TRAPPC9: variants seen among roughly 807,000 people sequenced by gnomAD.
The protein encoded by TRAPPC9 is IKK2 binding protein.
Under a neutral mutation model 124.0 loss-of-function variants are expected in TRAPPC9, and 83 were observed. That is an observed-to-expected ratio of 0.67 (90% CI 0.56 to 0.80). The LOEUF (loss-of-function observed/expected upper bound fraction) is 0.80. TRAPPC9 is among the 30% of genes least tolerant of loss of function. The pLI is 0.00. For missense variants in TRAPPC9, 1,302 were observed against 1,508.3 expected (o/e 0.86, Z 2.27); for synonymous variants, 638 against 617.5 (o/e 1.03, Z -0.49).
At chr8:139,804,895 T>A (rs1043799593) in intron 21 of TRAPPC9, among the ~76,000 whole-genome samples, 9 of 151,490 alleles carry the variant, frequency 5.9e-5, no homozygotes, top group Non-Finnish European at 1.2e-4. Flanking sequence ...ATGGGAGGAG[T>A]ATAAAATTCA....
At chr8:140,362,534 AT>A (rs1258749225) in intron 8 of TRAPPC9, among the ~76,000 whole-genome samples, 4 of 152,158 alleles carry the variant, frequency 2.6e-5, no homozygotes, top group African/African-American at 7.2e-5. Flanking sequence ...TTAAAAAAAA[AT>A]AAAAATAAAA....
rs1159882913 is a variant in TRAPPC9 at position 139,833,809 on chromosome 8, A to C, written c.3055+52070T>G. 3.3e-5 allele frequency among the ~76,000 whole-genome samples: 5 copies of C among 152,212 alleles called. No individual in the cohort carries two copies. The East Asian group carries it at 9.6e-4, about 29-fold the overall frequency. ...ACTGATTTCAGCTTCCTTCCGCTTC[A>C]GGAGCAGGAGGGGCCGGGAATGAAC... On this transcript the variant is annotated intron_variant, in intron 21 of 22. Transcript: ENST00000438773.
At chr8:140,184,934 CACA>C (rs1366420460) in intron 17 of TRAPPC9, among the ~76,000 whole-genome samples, 2 of 152,080 alleles carry the variant, frequency 1.3e-5, no homozygotes, top group Non-Finnish European at 2.9e-5. Context: ...TGACTGCTAA[CACA>C]ACATTTTAGA....
At chr8:139,915,452 G>A (rs973025306) in intron 19 of TRAPPC9, among the ~76,000 whole-genome samples, 1 of 152,116 alleles carries the variant, frequency 6.6e-6, no homozygotes, top group Admixed American at 6.6e-5. Context: ...TCACCATGTT[G>A]CCCAGGCTGG....
At position 140,019,116 on chromosome 8, in the gene TRAPPC9, C is replaced by A. The variant is rs565179145; in HGVS notation, c.2699+4821G>T. Among the ~76,000 whole-genome samples, 4 of 152,330 alleles carry A rather than the reference C, an allele frequency of 2.6e-5. No individual in the cohort carries two copies. In the South Asian group the frequency reaches 6.2e-4, roughly 24 times the overall value. On this transcript the variant is annotated intron_variant, in intron 18 of 22. Coordinates refer to ENST00000438773, the MANE Select transcript of TRAPPC9 (RefSeq NM_001160372.4). ...AACATGACAAATTCTAATGACTGAT[C>A]TTTCAATGGTAAAACAACCTCATAC...
chr8:139,883,951 C>T (rs974754218), intron 21 of TRAPPC9, among the ~76,000 whole-genome samples: 9 of 152,190 alleles, frequency 5.9e-5, no homozygotes, highest in Non-Finnish European at 1.0e-4. Context: ...ATGCAAAATG[C>T]CTGGGACAGG....
intron 17 of TRAPPC9, among the ~76,000 whole-genome samples, chr8:140,118,038 A>T (rs1165750764): frequency 1.3e-5 from 2 of 152,390 alleles, no homozygotes; most frequent in South Asian, 4.1e-4. Context: ...TTTAGAGCTT[A>T]CAAAGTCCAT....
chr8:140,048,217 G>A (rs1438732155), intron 17 of TRAPPC9, among the ~76,000 whole-genome samples: 1 of 152,230 alleles, frequency 6.6e-6, no homozygotes, highest in Non-Finnish European at 1.5e-5. Flanking sequence ...AACCACTGTG[G>A]CTTCACAAGG....
intron 2 of TRAPPC9, among the ~76,000 whole-genome samples, chr8:140,445,639 C>T (rs1370245498): frequency 6.6e-6 from 1 of 152,248 alleles, no homozygotes; most frequent in Non-Finnish European, 1.5e-5. Flanking sequence ...CCCTGCCCTG[C>T]ATTTTCCAAG....
intron 15 of TRAPPC9, among the ~76,000 whole-genome samples, chr8:140,267,541 G>A (rs1432127956): frequency 3.3e-5 from 5 of 152,098 alleles, no homozygotes; most frequent in African/African-American, 4.8e-5. Context: ...GACCACCACC[G>A]CCCACCCAAA....
chr8:140,116,245 C>T lies in TRAPPC9; in HGVS notation c.2557-92166G>A, dbSNP rs568867378. Among the ~76,000 whole-genome samples the T allele has an allele frequency of 1.6e-4, 25 of 152,264 alleles. No individual in the cohort carries two copies. In the South Asian group the frequency reaches 5.2e-3, roughly 32 times the overall value. The stretch of plus-strand genomic sequence containing the variant: ...TAAAGTAGGGTGAGATGTGATCGTA[C>T]CAGCATTATAGAAAGATCATGCTGG... On this transcript the variant is annotated intron_variant, in intron 17 of 22. Transcript: ENST00000438773.
rs147766045 is a variant in TRAPPC9 at position 139,840,533 on chromosome 8, G to A, written c.3055+45346C>T. Reference sequence around the variant, plus strand: ...ATGAGGAAACTGCACGACTCAAATTGGAGGTCGGCGAGGGTAGCGTGTTCC... The same window carrying A: ...ATGAGGAAACTGCACGACTCAAATTAGAGGTCGGCGAGGGTAGCGTGTTCC... On this transcript the variant is annotated intron_variant, in intron 21 of 22. Coordinates refer to ENST00000438773, the MANE Select transcript of TRAPPC9 (RefSeq NM_001160372.4). 4.3e-4 allele frequency among the ~76,000 whole-genome samples: 66 copies of A among 152,338 alleles called. 2 individuals are homozygous for A. In the Middle Eastern group the frequency reaches 0.031, roughly 71 times the overall value.
chr8:139,842,456 T>C (rs907853618), intron 21 of TRAPPC9, among the ~76,000 whole-genome samples: 4 of 152,230 alleles, frequency 2.6e-5, no homozygotes, highest in South Asian at 2.1e-4. Context: ...TTCTAACTCT[T>C]GTCAAAGCAG....
chr8:140,429,973 C>T (rs933248648), intron 4 of TRAPPC9, among the ~76,000 whole-genome samples: 4 of 151,806 alleles, frequency 2.6e-5, no homozygotes, highest in Admixed American at 1.3e-4. Context: ...ATAGCGAAAC[C>T]GTGTCTCCAC....
intron 14 of TRAPPC9, among the ~76,000 whole-genome samples, chr8:140,280,048 G>T (rs1327936812): frequency 1.3e-5 from 2 of 152,200 alleles, no homozygotes; most frequent in African/African-American, 4.8e-5. Context: ...TCCAGCTTTC[G>T]TTGGGCGGCT....
intron 21 of TRAPPC9, among the ~76,000 whole-genome samples, chr8:139,785,720 C>T (rs965836710): frequency 3.3e-5 from 5 of 149,630 alleles, no homozygotes; most frequent in Admixed American, 2.7e-4. Flanking sequence ...CAGAGCAAGA[C>T]TCCATCTAAA....
At chr8:139,933,467 G>A (rs944789782) in intron 19 of TRAPPC9, 3 of 152,264 alleles carry the variant, frequency 2.0e-5, no homozygotes, top group Non-Finnish European at 2.9e-5. Flanking sequence ...ACCTTCAGAT[G>A]TGGGGGCAGA....
chr8:139,890,853 T>TA (rs1830294970), intron 20 of TRAPPC9, among the ~76,000 whole-genome samples: 2 of 149,668 alleles, frequency 1.3e-5, no homozygotes, highest in South Asian at 4.2e-4. Flanking sequence ...TAATAAAAAA[T>TA]AAAAAAATTT....
chr8:139,910,822 C>T (rs1302749033), intron 19 of TRAPPC9, among the ~76,000 whole-genome samples: 1 of 152,168 alleles, frequency 6.6e-6, no homozygotes, highest in Non-Finnish European at 1.5e-5. Context: ...TTGCATTTAC[C>T]CAATGTCTGT....
Sources: gnomAD v4.1 joint callset for allele counts (sites outside exome capture counted in the v4.1 genomes callset) on GRCh38, gnomAD v4.1.1 for gene constraint, MANE v1.5 for transcripts, NCBI Gene and HGNC (gene_info 2026-07-23, HGNC 2026-07-21) for gene names.